The following MKX variants were observed in gnomAD, a reference collection of about 807,000 sequenced individuals.
MKX encodes homeobox protein Mohawk.
Under a neutral mutation model 36.0 loss-of-function variants are expected in MKX, and 13 were observed. The observed-to-expected ratio is 0.36, with a 90% CI of 0.24 to 0.57. MKX has a LOEUF of 0.57. Ranked by LOEUF, MKX falls within the 20% of genes least tolerant of loss-of-function variation. The probability of loss-of-function intolerance (pLI) is 0.79; values close to 1 mark genes in which losing one functional copy is unlikely to be tolerated. For synonymous variants in MKX, 176 were observed against 178.3 expected (o/e 0.99, Z 0.10); for missense variants, 458 against 456.4 (o/e 1.00, Z -0.03).
chr10:27,678,230 A>G (rs771144343), intron 5 of MKX, among the ~76,000 whole-genome samples: 13 of 152,208 alleles, frequency 8.5e-5, no homozygotes, highest in Non-Finnish European at 1.6e-4. Flanking sequence ...CTACCAGAAC[A>G]GAGAACAAGT....
intron 5 of MKX, among the ~76,000 whole-genome samples, chr10:27,724,793 C>CACA (rs1564362160): frequency 3.7e-5 from 4 of 108,956 alleles, no homozygotes; most frequent in African/African-American, 1.5e-4. Flanking sequence ...ACACACACAC[C>CACA]CCGCAGAAAC....
chr10:27,720,141 C>A (rs1365959956), intron 5 of MKX, among the ~76,000 whole-genome samples: 1 of 151,732 alleles, frequency 6.6e-6, no homozygotes, highest in Non-Finnish European at 1.5e-5. Context: ...AGTAGAGAAC[C>A]AAGGAATCTC....
At chr10:27,707,450 C>T (rs1370655966) in intron 5 of MKX, among the ~76,000 whole-genome samples, 1 of 151,890 alleles carries the variant, frequency 6.6e-6, no homozygotes, top group African/African-American at 2.4e-5. Flanking sequence ...GGTAAGGTAA[C>T]CCAGGAAAAA....
rs1202474775 is a variant in MKX, at chr10:27,744,739, C to A, written c.-83+968G>T. 6.4e-6 allele frequency: 1 copy of A among 155,712 alleles called. No individual in the cohort carries two copies. Among genetic ancestry groups the A allele is most frequent in the Non-Finnish European group, 1.4e-5 (1 of 71,200 alleles). The allele number at this position is 155,712 out of a possible 1,614,324, so 9.6% of individuals were successfully genotyped here. A position where few individuals can be genotyped will look rare whatever the true frequency, so the allele number is the denominator to read the frequency against. On this transcript the variant is annotated intron_variant, in intron 1 of 6. Transcript: ENST00000419761. The surrounding 1 kb of genome is among the most constrained non-coding windows in gnomAD (Gnocchi z 5.6). ...ACACACACACACACACACACACACA[C>A]ACACACCCTTTGCCTCGCCAAGCGC...
chr10:27,690,100 T>C (rs1836426052), intron 5 of MKX, among the ~76,000 whole-genome samples: 1 of 152,124 alleles, frequency 6.6e-6, no homozygotes, highest in African/African-American at 2.4e-5. Context: ...CAGCCGGGTG[T>C]GGCGGCTCAC....
At chr10:27,705,655 A>G (rs1195689738) in intron 5 of MKX, among the ~76,000 whole-genome samples, 1 of 152,358 alleles carries the variant, frequency 6.6e-6, no homozygotes, top group Non-Finnish European at 1.5e-5. Context: ...ATGTCCAGCC[A>G]TATGCTACCT....
intron 5 of MKX, among the ~76,000 whole-genome samples, chr10:27,708,843 G>A (rs539063096): frequency 9.7e-4 from 147 of 151,974 alleles, no homozygotes; most frequent in Admixed American, 2.4e-3. Context: ...ACAGTGAATC[G>A]AAAAATATTT....
At chr10:27,697,296 T>C (rs1230883122) in intron 5 of MKX, among the ~76,000 whole-genome samples, 1 of 152,188 alleles carries the variant, frequency 6.6e-6, no homozygotes, top group Admixed American at 6.5e-5. Context: ...AATTATCTTT[T>C]TGTGAGTGTT....
At chr10:27,733,903 A>G (rs991998074) in intron 5 of MKX, among the ~76,000 whole-genome samples, 13 of 152,238 alleles carry the variant, frequency 8.5e-5, no homozygotes, top group Admixed American at 7.9e-4. Flanking sequence ...TAAAATTTCC[A>G]GAGCAATGGA....
Position 27,744,918 on chromosome 10 carries a change from C to A in MKX, c.-83+789G>T, listed in dbSNP as rs1485433374. 2 of 152,250 alleles carry A rather than the reference C, an allele frequency of 1.3e-5. No individual in the cohort carries two copies. Among genetic ancestry groups the A allele is most frequent in the African/African-American group, 2.4e-5 (1 of 41,436 alleles). The allele number at this position is 152,250 out of a possible 1,614,324, so 9.4% of individuals were successfully genotyped here. A position where few individuals can be genotyped will look rare whatever the true frequency, so the allele number is the denominator to read the frequency against. On this transcript the variant is annotated intron_variant, in intron 1 of 6. Transcript: ENST00000419761. This position sits in a 1 kb window ranked among gnomAD's most constrained non-coding sequence, Gnocchi z 5.6. ...CAGACCTCTGCTGGATGTCGTGTGT[C>A]CCCTAGGACTGCGTCCTCCCGCGCA...
At position 27,714,324 on chromosome 10, in the gene MKX, T is replaced by C. The variant is rs551508250; in HGVS notation, c.838+20132A>G. Among the ~76,000 whole-genome samples the C allele has an allele frequency of 3.0e-4, 45 of 152,318 alleles. No homozygotes were observed. In the South Asian group the frequency reaches 7.3e-3, roughly 25 times the overall value. ...TGTTATTTTAGTTCAAGGACAAGCT[T>C]TTAAAATTTAAAAAAACCTTTGGCT... On this transcript the variant is annotated intron_variant, in intron 5 of 6. Coordinates refer to ENST00000419761, the MANE Select transcript of MKX (RefSeq NM_173576.3).
In MKX at chr10:27,741,246, G is replaced by C; in HGVS notation, c.348+99C>G. On this transcript the variant is annotated intron_variant, in intron 3 of 6. Coordinates refer to ENST00000419761, the MANE Select transcript of MKX (RefSeq NM_173576.3). The surrounding 1 kb of genome is among the most constrained non-coding windows in gnomAD (Gnocchi z 5.1). The stretch of plus-strand genomic sequence containing the variant: ...CACAGCTCGGCTCCATCCCTCTCCA[G>C]GTAGAAGCGCCACGTGGAGAGCCAC... The C allele has an allele frequency of 6.8e-7, 1 of 1,481,284 alleles. No homozygotes were observed. The highest frequency in any genetic ancestry group is 9.3e-7 in the Non-Finnish European group (1 of 1,076,874). The allele number at this position is 1,481,284 out of a possible 1,614,324, so 91.8% of individuals were successfully genotyped here. A position where few individuals can be genotyped will look rare whatever the true frequency, so the allele number is the denominator to read the frequency against.
At position 27,674,835 on chromosome 10, in the gene MKX, C is replaced by T. The variant is rs1017556754; in HGVS notation, c.*394G>A. The T allele has an allele frequency of 6.4e-6, 1 of 156,664 alleles. No homozygotes were observed. Among genetic ancestry groups the T allele is most frequent in the Non-Finnish European group, 1.4e-5 (1 of 70,944 alleles). The allele number at this position is 156,664 out of a possible 1,614,324, so 9.7% of individuals were successfully genotyped here. A position where few individuals can be genotyped will look rare whatever the true frequency, so the allele number is the denominator to read the frequency against. On this transcript the variant is annotated 3_prime_UTR_variant, in exon 7 of 7. Coordinates refer to ENST00000419761, the MANE Select transcript of MKX (RefSeq NM_173576.3). ...TTATTGAATGTATTTCAAGGGCTTT[C>T]AGCGATTCTGGTTTCAGTCCTGGAA... is the stretch of plus-strand genomic sequence containing the variant.
intron 5 of MKX, among the ~76,000 whole-genome samples, chr10:27,696,455 C>T (rs926400547): frequency 5.9e-5 from 9 of 152,128 alleles, no homozygotes; most frequent in Non-Finnish European, 2.9e-5. Flanking sequence ...AGTAATGCAA[C>T]AATCCAGAAT....
intron 5 of MKX, among the ~76,000 whole-genome samples, chr10:27,717,226 C>T (rs902820586): frequency 3.3e-5 from 5 of 152,148 alleles, no homozygotes; most frequent in South Asian, 2.1e-4. Context: ...CCTGGTGAGA[C>T]CCTGAGCAGA....
Position 27,744,969 on chromosome 10 carries a change from C to T in MKX, c.-83+738G>A, listed in dbSNP as rs764258302. ...GACAGGTACGTGCCTGGGGTGTGCA[C>T]ATAGCCTCGGTGATAAGTGTCAAAG... is the stretch of plus-strand genomic sequence containing the variant. On this transcript the variant is annotated intron_variant, in intron 1 of 6. Coordinates refer to ENST00000419761, the MANE Select transcript of MKX (RefSeq NM_173576.3). The surrounding 1 kb of genome is among the most constrained non-coding windows in gnomAD (Gnocchi z 5.6). The T allele has an allele frequency of 6.6e-6, 1 of 152,296 alleles. No homozygotes were observed. The highest frequency in any genetic ancestry group is 1.5e-5 in the Non-Finnish European group (1 of 68,120). 9.4% of individuals were successfully genotyped at this position (152,296 alleles called of 1,614,324 possible). A position where few individuals can be genotyped will look rare whatever the true frequency, so the allele number is the denominator to read the frequency against.
At chr10:27,690,295 C>CT (rs1554769886) in intron 5 of MKX, among the ~76,000 whole-genome samples, 2 of 151,754 alleles carry the variant, frequency 1.3e-5, no homozygotes, top group African/African-American at 4.8e-5. Flanking sequence ...CATTTGAGCC[C>CT]GGAGGCGGAG....
At chr10:27,728,836 A>G (rs1414235570) in intron 5 of MKX, among the ~76,000 whole-genome samples, 3 of 152,200 alleles carry the variant, frequency 2.0e-5, no homozygotes, top group Admixed American at 2.0e-4. Flanking sequence ...TGAGCCAAGA[A>G]AAATGGTTTG....
chr10:27,743,923 A>G (rs1231995225), intron 1 of MKX, among the ~76,000 whole-genome samples: 1 of 152,052 alleles, frequency 6.6e-6, no homozygotes. Context: ...AGGAACCCCA[A>G]CTCGGGGCGT....
Sources: allele counts gnomAD v4.1 joint callset (sites outside exome capture counted in the v4.1 genomes callset), GRCh38; gene constraint gnomAD v4.1.1; non-coding constraint Gnocchi (gnomAD v3.1); transcripts MANE v1.5; gene names NCBI Gene and HGNC (gene_info 2026-07-23, HGNC 2026-07-21).